Variants in CCDC178 observed in about 807,000 individuals in gnomAD.
The protein encoded by CCDC178 is coiled-coil domain containing 178.
Under a neutral mutation model 117.4 loss-of-function variants are expected in CCDC178, and 126 were observed. The observed-to-expected ratio is 1.07, with a 90% confidence interval of 0.93 to 1.24. CCDC178 has a LOEUF of 1.24. Ranked by LOEUF, CCDC178 falls within the 50% of genes most tolerant of loss-of-function variation. The pLI is 0.00. For missense variants in CCDC178, 1,030 were observed against 986.9 expected (o/e 1.04, Z -0.59); for synonymous variants, 283 against 313.4 (o/e 0.90, Z 1.02).
intron 21 of CCDC178, among the ~76,000 whole-genome samples, chr18:33,057,693 C>T (rs2056854065): frequency 6.6e-6 from 1 of 152,058 alleles, no homozygotes; most frequent in African/African-American, 2.4e-5. Flanking sequence ...AAGGTTTCAC[C>T]ATGTTGGCCA....
intron 6 of CCDC178, among the ~76,000 whole-genome samples, chr18:33,360,188 T>C (rs569921614): frequency 6.6e-6 from 1 of 151,056 alleles, no homozygotes; most frequent in East Asian, 1.9e-4. Context: ...AAGTTATATA[T>C]AGAATCATCA....
chr18:33,328,070 G>T (rs947883587), intron 10 of CCDC178: 8 of 335,130 alleles, frequency 2.4e-5, no homozygotes, highest in East Asian at 1.2e-4. Context: ...AGGTCATAAA[G>T]ATTTATCCCT....
intron 3 of CCDC178, among the ~76,000 whole-genome samples, chr18:33,399,141 G>A (rs150020538): frequency 1.0e-3 from 157 of 151,848 alleles, no homozygotes; most frequent in African/African-American, 3.8e-3. Context: ...CGGAGGTTGC[G>A]CTGAGCTGAG....
intron 12 of CCDC178, among the ~76,000 whole-genome samples, chr18:33,280,788 T>C (rs1369586060): frequency 1.3e-5 from 2 of 152,006 alleles, no homozygotes; most frequent in African/African-American, 4.8e-5. Context: ...AAATGATGAG[T>C]TCATGTCCTT....
chr18:33,015,587 A>G (rs2055970226), intron 21 of CCDC178, among the ~76,000 whole-genome samples: 1 of 151,736 alleles, frequency 6.6e-6, no homozygotes, highest in Admixed American at 6.6e-5. Flanking sequence ...AACAACAAAC[A>G]ACAACAACAA....
chr18:33,012,812 C>T (rs1038478670), intron 21 of CCDC178, among the ~76,000 whole-genome samples: 2 of 152,076 alleles, frequency 1.3e-5, no homozygotes, highest in Non-Finnish European at 1.5e-5. Flanking sequence ...TTAAAGTATG[C>T]CTTTAGCAAA....
chr18:33,420,898 AAAT>A (rs1372524307), intron 2 of CCDC178, among the ~76,000 whole-genome samples: 1 of 152,212 alleles, frequency 6.6e-6, no homozygotes, highest in Non-Finnish European at 1.5e-5. Context: ...AATACACTAT[AAAT>A]AACCTATATA....
intron 20 of CCDC178, among the ~76,000 whole-genome samples, chr18:33,094,158 T>C (rs1373016598): frequency 1.3e-5 from 2 of 152,130 alleles, no homozygotes; most frequent in Non-Finnish European, 2.9e-5. Flanking sequence ...ATGATAAATA[T>C]TATGTCATAG....
chr18:33,150,929 G>A (rs1039475355), intron 20 of CCDC178, among the ~76,000 whole-genome samples: 16 of 152,178 alleles, frequency 1.1e-4, no homozygotes. Flanking sequence ...AAATAGGAAT[G>A]AAATAATGTC....
intron 21 of CCDC178, among the ~76,000 whole-genome samples, chr18:32,987,022 G>C (rs887405585): frequency 6.7e-6 from 1 of 150,130 alleles, no homozygotes; most frequent in Non-Finnish European, 1.5e-5. Flanking sequence ...AAAAGGAGGA[G>C]AAAAAATAGA....
chr18:32,997,159 C>T (rs1229025525), intron 21 of CCDC178, among the ~76,000 whole-genome samples: 1 of 152,024 alleles, frequency 6.6e-6, no homozygotes, highest in Admixed American at 6.6e-5. Flanking sequence ...ACTATTTGTA[C>T]TCTGTGTGTG....
intron 12 of CCDC178, among the ~76,000 whole-genome samples, chr18:33,283,334 T>C (rs1381641561): frequency 6.6e-6 from 1 of 151,364 alleles, no homozygotes; most frequent in Non-Finnish European, 1.5e-5. Context: ...AGAAAAAAAA[T>C]CCGAAGGTAA....
intron 17 of CCDC178, among the ~76,000 whole-genome samples, chr18:33,224,061 A>G (rs966741863): frequency 6.6e-6 from 1 of 152,236 alleles, no homozygotes; most frequent in Non-Finnish European, 1.5e-5. Flanking sequence ...CACTTTTTAA[A>G]TCACAATTTT....
chr18:33,025,091 G>T (rs1436425932), intron 21 of CCDC178, among the ~76,000 whole-genome samples: 2 of 152,134 alleles, frequency 1.3e-5, no homozygotes, highest in African/African-American at 4.8e-5. Flanking sequence ...GGTAACAGAG[G>T]TCAACAACTG....
chr18:33,316,389 T>C (rs1017636646), intron 11 of CCDC178, among the ~76,000 whole-genome samples: 11 of 152,120 alleles, frequency 7.2e-5, no homozygotes, highest in South Asian at 2.1e-4. Context: ...GCTCGATTTC[T>C]CCCCGGGCCT....
intron 11 of CCDC178, among the ~76,000 whole-genome samples, chr18:33,315,017 C>G (rs1234502561): frequency 1.3e-5 from 2 of 152,154 alleles, no homozygotes; most frequent in Non-Finnish European, 2.9e-5. Flanking sequence ...TTCCTGTCCC[C>G]CTCTCACCTG....
chr18:33,401,302 C>T (rs559086105), intron 3 of CCDC178, among the ~76,000 whole-genome samples: 5 of 152,142 alleles, frequency 3.3e-5, no homozygotes, highest in East Asian at 1.9e-4. Flanking sequence ...AACAGAGTTG[C>T]CACAAACCTC....
chr18:33,439,293 T>G (rs2064341483), intron 2 of CCDC178, among the ~76,000 whole-genome samples: 1 of 152,216 alleles, frequency 6.6e-6, no homozygotes, highest in Admixed American at 6.5e-5. Flanking sequence ...GAGGATGTGG[T>G]AACAAATTAG....
chr18:32,965,777 T>C (rs187465585), intron 22 of CCDC178, among the ~76,000 whole-genome samples: 12 of 151,642 alleles, frequency 7.9e-5, no homozygotes, highest in African/African-American at 2.9e-4. Flanking sequence ...TTGAAAAACA[T>C]GCCAGCATGA....
Sources: gnomAD v4.1 joint callset for allele counts (sites outside exome capture counted in the v4.1 genomes callset) on GRCh38, gnomAD v4.1.1 for gene constraint, MANE v1.5 for transcripts, NCBI Gene and HGNC (gene_info 2026-07-23, HGNC 2026-07-21) for gene names.